Variants in MGRN1 observed in about 807,000 individuals in gnomAD.
MGRN1 encodes the protein E3 ubiquitin-protein ligase MGRN1.
A neutral mutation model predicts 69.2 loss-of-function variants in MGRN1; 29 were observed. The observed-to-expected ratio is 0.42, with a 90% CI of 0.31 to 0.57. The LOEUF is 0.57. Ranked by LOEUF, MGRN1 falls within the 20% of genes least tolerant of loss-of-function variation. MGRN1 has a pLI of 0.15. For missense variants in MGRN1, 998 were observed against 796.2 expected (o/e 1.25, Z -3.05); for synonymous variants, 470 against 344.2 (o/e 1.37, Z -4.04).
rs183099546 is a variant in MGRN1 at position 4,661,207 on chromosome 16, G to A, written c.562-3502G>A. Among the ~76,000 whole-genome samples the A allele has an allele frequency of 1.3e-4, 19 of 151,612 alleles. 1 individual carries two copies. In the East Asian group the frequency reaches 1.7e-3, roughly 14 times the overall value. ...TTGCGTAGGCTGGTCTCAAACTCCC[G>A]GGCTCCAGCAATCCTCGTACCTCGG... On this transcript the variant is annotated intron_variant, in intron 5 of 16. Coordinates refer to ENST00000262370, the MANE Select transcript of MGRN1 (RefSeq NM_015246.4).
At chr16:4,653,928 T>C (rs2078466210) in intron 4 of MGRN1, among the ~76,000 whole-genome samples, 1 of 152,156 alleles carries the variant, frequency 6.6e-6, no homozygotes, top group African/African-American at 2.4e-5. Context: ...AATTTTGTAT[T>C]TTTAGTAGAG....
intron 1 of MGRN1, among the ~76,000 whole-genome samples, chr16:4,636,956 A>G (rs1302971813): frequency 1.3e-5 from 2 of 151,416 alleles, no homozygotes; most frequent in African/African-American, 4.9e-5. Context: ...CGTCTCTACT[A>G]AAAATACAAA....
intron 1 of MGRN1, among the ~76,000 whole-genome samples, chr16:4,635,636 T>C (rs1248116567): frequency 2.0e-5 from 3 of 150,894 alleles, no homozygotes; most frequent in Non-Finnish European, 3.0e-5. Context: ...CCAGCTAACT[T>C]TTTTTTCTTT....
At position 4,650,500 on chromosome 16, in the gene MGRN1, C is replaced by A. The variant is rs748483686; in HGVS notation, c.207+17C>A. The A allele has an allele frequency of 6.3e-7, 1 of 1,586,616 alleles. No individual in the cohort carries two copies. The highest frequency in any genetic ancestry group is 8.6e-7 in the Non-Finnish European group (1 of 1,164,364). ...CCGGTCCAGGTGGGTCTGGACAGGG[C>A]TGTCTCATGGGGCTGTGGGGGTGGG... On this transcript the variant is annotated intron_variant, in intron 2 of 16. Transcript: ENST00000262370.
At chr16:4,657,135 G>A in intron 4 of MGRN1, 111 bp from the exon 5 acceptor site, 1 of 1,009,296 alleles carries the variant, frequency 9.9e-7, no homozygotes, top group South Asian at 1.4e-5. Flanking sequence ...ATGAGAGAGG[G>A]TCCCCAAAAG....
rs1028881917 is a variant in MGRN1 at position 4,683,742 on chromosome 16, G to C, written c.1529-101G>C. ...GCACAAGCCTGGGGTCCCCACAGTGGCTACAGAGCCCTTGGGTAAGAGAGA... is the reference window on the plus strand; with the variant it reads ...GCACAAGCCTGGGGTCCCCACAGTGCCTACAGAGCCCTTGGGTAAGAGAGA... On this transcript the variant is annotated intron_variant, in intron 15 of 16. Coordinates refer to ENST00000262370, the MANE Select transcript of MGRN1 (RefSeq NM_015246.4). 6 of 1,001,408 alleles carry C rather than the reference G, an allele frequency of 6.0e-6. No homozygotes were observed. In the African/African-American group the frequency reaches 9.7e-5, roughly 16 times the overall value. 62.0% of individuals were successfully genotyped at this position (1,001,408 alleles called of 1,614,324 possible). A position where few individuals can be genotyped will look rare whatever the true frequency, so the allele number is the denominator to read the frequency against.
chr16:4,689,200 G>T lies in MGRN1; in HGVS notation c.*292G>T, dbSNP rs1035413790. 8 of 364,772 alleles carry T rather than the reference G, an allele frequency of 2.2e-5. No homozygotes were observed. The highest frequency in any genetic ancestry group is 7.3e-4 in the Middle Eastern group (1 of 1,362). 22.6% of individuals were successfully genotyped at this position (364,772 alleles called of 1,614,324 possible). A position where few individuals can be genotyped will look rare whatever the true frequency, so the allele number is the denominator to read the frequency against. On this transcript the variant is annotated 3_prime_UTR_variant, in exon 17 of 17. Transcript: ENST00000262370. ...CTGTGGGCTGAGCGGCTGGGGCTGG[G>T]GCTGCCCACGTGTGGCCTCCGCTGG... is the stretch of plus-strand genomic sequence containing the variant.
intron 4 of MGRN1, among the ~76,000 whole-genome samples, chr16:4,653,790 T>C (rs557915217): frequency 1.6e-4 from 20 of 125,664 alleles, no homozygotes; most frequent in Non-Finnish European, 2.9e-4. Context: ...TTCGCTCTTG[T>C]TGCCCAGGCT....
chr16:4,669,696 C>A (rs1446836105), intron 8 of MGRN1, among the ~76,000 whole-genome samples: 1 of 152,160 alleles, frequency 6.6e-6, no homozygotes, highest in Admixed American at 6.5e-5. Context: ...CTCTTCCTTA[C>A]AAATTGTCCA....
At chr16:4,687,576 A>AAAACACACACAC (rs143598980) in intron 16 of MGRN1, 2 of 748,566 alleles carry the variant, frequency 2.7e-6, no homozygotes, top group Admixed American at 3.8e-4. Flanking sequence ...AGAAAAAAAA[A>AAAACACACACAC]ATACACACAC....
intron 5 of MGRN1, among the ~76,000 whole-genome samples, chr16:4,660,206 C>CT (rs2078645572): frequency 6.6e-6 from 1 of 152,242 alleles, no homozygotes; most frequent in South Asian, 2.1e-4. Flanking sequence ...CGTTCTGCCG[C>CT]TTTTTCTCTC....
intron 13 of MGRN1, among the ~76,000 whole-genome samples, chr16:4,682,295 C>G (rs2141978342): frequency 6.6e-6 from 1 of 152,358 alleles, no homozygotes; most frequent in South Asian, 2.1e-4. Flanking sequence ...ATACGACAGC[C>G]TTCGGAGGGC....
At chr16:4,680,429 A>G (rs936893411) in intron 12 of MGRN1, 9 of 295,258 alleles carry the variant, frequency 3.0e-5, no homozygotes, top group Admixed American at 1.0e-4. Flanking sequence ...GCGTTTTGCA[A>G]TCGCGCCCCG....
At chr16:4,631,908 T>TG (rs55740563) in intron 1 of MGRN1, among the ~76,000 whole-genome samples, 2,259 of 89,528 alleles carry the variant, frequency 0.025, 60 homozygotes, top group African/African-American at 0.11. Flanking sequence ...TCTCAGTTGT[T>TG]TTTTTTTTTC....
intron 1 of MGRN1, among the ~76,000 whole-genome samples, chr16:4,648,220 G>A (rs541944133): frequency 7.2e-5 from 11 of 152,266 alleles, no homozygotes; most frequent in South Asian, 4.1e-4. Flanking sequence ...GCAGCTACCC[G>A]GGTCCTCCCC....
intron 3 of MGRN1, among the ~76,000 whole-genome samples, 170 bp downstream of exon 3, chr16:4,652,221 G>A (rs1185566138): frequency 4.6e-5 from 7 of 152,136 alleles, no homozygotes; most frequent in African/African-American, 1.7e-4. Flanking sequence ...AGGGCATGTG[G>A]AACAAGAGCC....
chr16:4,652,020 A>T lies in MGRN1; in HGVS notation c.265A>T (p.Asn89Tyr). ...EPVKTLRSLV[N>Y]IRKDSLRLVR... ...CGTGAAGACGCTGCGGAGCCTGGTG[A>T]ACATCCGCAAAGACTCCCTGCGGCT... Residue 89 changes from asparagine (N) to tyrosine (Y), a missense_variant, in exon 3 of 17, where the codon AAC becomes TAC. Physicochemically the swap from Asn to Tyr is moderately radical, Grantham distance 143. Coordinates refer to ENST00000262370, the MANE Select transcript of MGRN1 (RefSeq NM_015246.4). 1 of 1,613,946 alleles carries T rather than the reference A, an allele frequency of 6.2e-7. No homozygotes were observed.
At chr16:4,670,575 C>G (rs1476687626) in intron 8 of MGRN1, among the ~76,000 whole-genome samples, 1 of 152,198 alleles carries the variant, frequency 6.6e-6, no homozygotes, top group Non-Finnish European at 1.5e-5. Context: ...GAGAGTTTGT[C>G]CAGGTGCAGT....
chr16:4,662,725 G>C (rs971147948), intron 5 of MGRN1, among the ~76,000 whole-genome samples: 1 of 152,222 alleles, frequency 6.6e-6, no homozygotes, highest in Non-Finnish European at 1.5e-5. Context: ...CTGGTCACTG[G>C]GGTGGGGACG....
Sources: allele counts gnomAD v4.1 joint callset (sites outside exome capture counted in the v4.1 genomes callset), GRCh38; gene constraint gnomAD v4.1.1; transcripts MANE v1.5; gene names NCBI Gene and HGNC (gene_info 2026-07-23, HGNC 2026-07-21).